Variants in STPG2 observed in about 807,000 individuals in gnomAD.
STPG2 encodes the protein sperm tail PG-rich repeat containing 2.
In STPG2, 56 loss-of-function variants were observed where a neutral mutation model predicts 54.2. That is an observed-to-expected ratio of 1.03 (90% CI 0.83 to 1.29). The LOEUF (loss-of-function observed/expected upper bound fraction) is 1.29, where lower values mean the gene tolerates loss of function less well. Among genes scored for constraint, STPG2 ranks in the 50% most tolerant of loss-of-function variants. The pLI is 0.00. For missense variants in STPG2, 596 were observed against 544.9 expected, an observed-to-expected ratio of 1.09 and a Z score of -0.93; for synonymous variants, 200 against 181.8, an observed-to-expected ratio of 1.10 and a Z score of -0.81.
rs369600382 is a variant in STPG2 at position 97,903,569 on chromosome 4, C to T, written c.1044+40328G>A. Among the ~76,000 whole-genome samples the T allele has an allele frequency of 7.3e-4, 111 of 152,184 alleles. 1 individual carries two copies. The South Asian group carries it at 0.021, about 28-fold the overall frequency. On this transcript the variant is annotated intron_variant, in intron 8 of 10. Coordinates refer to ENST00000295268, the MANE Select transcript of STPG2 (RefSeq NM_174952.3). The stretch of plus-strand genomic sequence containing the variant: ...GCTATTTTAAAAGACCAATAAAACT[C>T]ATGTAGTAAGACCGATTAACAAAAA...
At chr4:97,479,046 T>C (rs959523531) in intron 4 of STPG2, among the ~76,000 whole-genome samples, 2 of 151,814 alleles carry the variant, frequency 1.3e-5, no homozygotes, top group Non-Finnish European at 2.9e-5. Context: ...AAACAAATAT[T>C]AGATTGATTA....
intron 10 of STPG2, among the ~76,000 whole-genome samples, chr4:97,702,735 C>T (rs534775789): frequency 5.9e-5 from 9 of 152,268 alleles, no homozygotes; most frequent in African/African-American, 2.2e-4. Flanking sequence ...TCAGTGTCCC[C>T]AGCTTCATCA....
At chr4:97,925,580 A>C (rs1379913665) in intron 8 of STPG2, among the ~76,000 whole-genome samples, 1 of 152,216 alleles carries the variant, frequency 6.6e-6, no homozygotes, top group Non-Finnish European at 1.5e-5. Flanking sequence ...AGATAACAAC[A>C]GACCAACCAA....
intron 8 of STPG2, among the ~76,000 whole-genome samples, chr4:97,930,808 G>C (rs2149218407): frequency 6.6e-6 from 1 of 152,260 alleles, no homozygotes; most frequent in East Asian, 1.9e-4. Context: ...TCCTATCCAT[G>C]AGCGTGGTAT....
intron 4 of STPG2, among the ~76,000 whole-genome samples, chr4:97,507,152 C>A (rs1366412423): frequency 2.0e-5 from 3 of 151,712 alleles, no homozygotes; most frequent in Non-Finnish European, 4.4e-5. Flanking sequence ...GAGATCCCTT[C>A]TCTAAAAAAA....
intron 4 of STPG2, among the ~76,000 whole-genome samples, chr4:97,464,832 T>A (rs1384232331): frequency 6.6e-6 from 1 of 152,100 alleles, no homozygotes; most frequent in African/African-American, 2.4e-5. Context: ...ATATCAACAG[T>A]CATAAAAGAT....
intron 4 of STPG2, among the ~76,000 whole-genome samples, chr4:97,539,962 G>A (rs938072456): frequency 6.6e-6 from 1 of 152,194 alleles, no homozygotes; most frequent in Non-Finnish European, 1.5e-5. Flanking sequence ...GAATCTCTGA[G>A]ACACATTTAA....
intron 4 of STPG2, among the ~76,000 whole-genome samples, chr4:97,533,768 A>C (rs1374407237): frequency 6.6e-6 from 1 of 152,102 alleles, no homozygotes; most frequent in Non-Finnish European, 1.5e-5. Flanking sequence ...CTATAATTTT[A>C]TTAAGATACC....
At chr4:97,477,632 A>T (rs1276086471) in intron 4 of STPG2, among the ~76,000 whole-genome samples, 5 of 148,354 alleles carry the variant, frequency 3.4e-5, no homozygotes, top group Admixed American at 6.7e-5. Flanking sequence ...GCCTGCCACC[A>T]TGCCCGGCTA....
chr4:97,749,221 C>G (rs574638469), intron 9 of STPG2, among the ~76,000 whole-genome samples: 43 of 151,802 alleles, frequency 2.8e-4, no homozygotes, highest in African/African-American at 9.9e-4. Context: ...TTACTTAAAC[C>G]TAAAAATTTG....
At chr4:97,901,622 G>A (rs1016963843) in intron 8 of STPG2, among the ~76,000 whole-genome samples, 2 of 151,736 alleles carry the variant, frequency 1.3e-5, no homozygotes, top group African/African-American at 4.8e-5. Context: ...AACCAAGAGG[G>A]TGAAAGATCT....
In STPG2 at chr4:98,142,904, T is replaced by C. The variant is rs1740338315; in HGVS notation, c.109+138A>G. On this transcript the variant is annotated intron_variant, in intron 1 of 10. Coordinates refer to ENST00000295268, the MANE Select transcript of STPG2 (RefSeq NM_174952.3). ...TCTGTAAAATAAAAGTATAGTGTTTTCCCTGCCTACTTCATGTTTTGTTAT... is the reference window on the plus strand; with the variant it reads ...TCTGTAAAATAAAAGTATAGTGTTTCCCCTGCCTACTTCATGTTTTGTTAT... 4 of 755,670 alleles carry C rather than the reference T, an allele frequency of 5.3e-6. No individual in the cohort carries two copies. The South Asian group carries it at 6.0e-5, about 11-fold the overall frequency. The allele number at this position is 755,670 out of a possible 1,614,324, so 46.8% of individuals were successfully genotyped here. A position where few individuals can be genotyped will look rare whatever the true frequency, so the allele number is the denominator to read the frequency against.
chr4:98,026,313 T>A, intron 5 of STPG2: 1 of 610,648 alleles, frequency 1.6e-6, no homozygotes, highest in Non-Finnish European at 2.9e-6. Context: ...ACAATAAAAG[T>A]ATGGACAGAA....
intron 4 of STPG2, among the ~76,000 whole-genome samples, chr4:97,457,745 T>A (rs2148804632): frequency 6.6e-6 from 1 of 152,302 alleles, no homozygotes; most frequent in African/African-American, 2.4e-5. Flanking sequence ...GAAAGTAGAA[T>A]AAGTATATGA....
chr4:97,834,473 A>G (rs1578605532), intron 9 of STPG2, among the ~76,000 whole-genome samples: 1 of 151,966 alleles, frequency 6.6e-6, no homozygotes, highest in Non-Finnish European at 1.5e-5. Context: ...AAACCTGCAC[A>G]CTCTGCACAT....
intron 8 of STPG2, among the ~76,000 whole-genome samples, chr4:97,876,143 A>T (rs1347615576): frequency 1.3e-5 from 2 of 152,110 alleles, no homozygotes; most frequent in Non-Finnish European, 2.9e-5. Context: ...TCTGTCTTCC[A>T]ATTAGGACAT....
chr4:97,920,821 T>A (rs928376038), intron 8 of STPG2, among the ~76,000 whole-genome samples: 1 of 152,198 alleles, frequency 6.6e-6, no homozygotes, highest in Non-Finnish European at 1.5e-5. Context: ...ACCTAGTGTG[T>A]GTGTTAACTT....
intron 10 of STPG2, among the ~76,000 whole-genome samples, chr4:97,656,369 T>C (rs1326785804): frequency 6.6e-6 from 1 of 152,144 alleles, no homozygotes; most frequent in African/African-American, 2.4e-5. Context: ...TTGACAACAT[T>C]GAACAGAGAT....
chr4:98,061,007 G>A (rs1051678988), intron 5 of STPG2, among the ~76,000 whole-genome samples: 10 of 152,058 alleles, frequency 6.6e-5, no homozygotes, highest in African/African-American at 1.9e-4. Flanking sequence ...CATAGGAATG[G>A]GCAAAGATTT....
Sources: gnomAD v4.1 joint callset for allele counts (sites outside exome capture counted in the v4.1 genomes callset) on GRCh38, gnomAD v4.1.1 for gene constraint, MANE v1.5 for transcripts, NCBI Gene and HGNC (gene_info 2026-07-23, HGNC 2026-07-21) for gene names.